WARS2: variants seen among roughly 807,000 people sequenced by gnomAD.
The protein encoded by WARS2 is tryptophanyl tRNA synthetase 2, mitochondrial, also known as tryptophan--tRNA ligase, mitochondrial.
In WARS2, 28 loss-of-function variants were observed where a neutral mutation model predicts 36.5. The ratio of observed to expected loss-of-function variants is 0.77; its 90% confidence interval spans 0.57 to 1.05. The LOEUF is 1.05. Among genes scored for constraint, WARS2 ranks in the 50% least tolerant of loss-of-function variants. The probability of loss-of-function intolerance (pLI) is 0.00; values close to 1 mark genes in which losing one functional copy is unlikely to be tolerated. For missense variants in WARS2, 435 were observed against 456.8 expected, an observed-to-expected ratio of 0.95 and a Z score of 0.44; for synonymous variants, 174 against 178.4, an observed-to-expected ratio of 0.98 and a Z score of 0.20.
chr1:119,085,214 G>A, intron 1 of WARS2: 1 of 835,704 alleles, frequency 1.2e-6, no homozygotes, highest in South Asian at 1.3e-5. Context: ...TTGAGGACCT[G>A]TGCTCGTGCT....
rs1652562633 is a variant in WARS2 at position 119,085,381 on chromosome 1, C to T, written c.91-8774G>A. ...TTCTTAGGGCCAGGGTTGTCCTCTTCCTTTACTGTCTTGCTTCTGGGTGAC... is the reference window on the plus strand; with the variant it reads ...TTCTTAGGGCCAGGGTTGTCCTCTTTCTTTACTGTCTTGCTTCTGGGTGAC... On this transcript the variant is annotated intron_variant, in intron 1 of 5. Transcript: ENST00000235521. 5 of 1,395,558 alleles carry T rather than the reference C, an allele frequency of 3.6e-6. No homozygotes were observed. In the Admixed American group the frequency reaches 6.9e-5, roughly 19 times the overall value. 86.4% of individuals were successfully genotyped at this position (1,395,558 alleles called of 1,614,324 possible). A position where few individuals can be genotyped will look rare whatever the true frequency, so the allele number is the denominator to read the frequency against.
At position 119,091,889 on chromosome 1, in the gene WARS2, T is replaced by C. The variant is rs184788159; in HGVS notation, c.91-15282A>G. Among the ~76,000 whole-genome samples, 526 of 152,288 alleles carry C rather than the reference T, an allele frequency of 3.5e-3. 4 individuals carry two copies. Among genetic ancestry groups the C allele is most frequent in the South Asian group, 0.03 (147 of 4,820 alleles). ...GAGGACAGTAAAATACACAGCACAGTGTCTGCCTGGCTGCAACACTGATTA... is the reference window on the plus strand; with the variant it reads ...GAGGACAGTAAAATACACAGCACAGCGTCTGCCTGGCTGCAACACTGATTA... On this transcript the variant is annotated intron_variant, in intron 1 of 5. Coordinates refer to ENST00000235521, the MANE Select transcript of WARS2 (RefSeq NM_015836.4).
chr1:119,118,819 T>C (rs1655152322), intron 1 of WARS2, among the ~76,000 whole-genome samples: 1 of 152,146 alleles, frequency 6.6e-6, no homozygotes, highest in Admixed American at 6.5e-5. Flanking sequence ...GAATTTTACA[T>C]CCAGCAAAAC....
chr1:119,107,483 C>G (rs920765548), intron 1 of WARS2, among the ~76,000 whole-genome samples: 1 of 152,032 alleles, frequency 6.6e-6, no homozygotes, highest in Non-Finnish European at 1.5e-5. Context: ...AGATTCGTGT[C>G]TTTCAAGCTG....
At chr1:119,058,284 G>T (rs1650012427) in intron 2 of WARS2, among the ~76,000 whole-genome samples, 1 of 148,526 alleles carries the variant, frequency 6.7e-6, no homozygotes, top group African/African-American at 2.5e-5. Flanking sequence ...ATATATGTGG[G>T]TCTACTTCTT....
chr1:119,139,605 T>C (rs4520456), intron 1 of WARS2: 20 of 152,016 alleles, frequency 1.3e-4, no homozygotes, highest in African/African-American at 4.8e-4. Flanking sequence ...GCTACCTTCC[T>C]GTCTAGCGCT....
At chr1:119,117,962 C>G (rs1655084195) in intron 1 of WARS2, among the ~76,000 whole-genome samples, 1 of 152,130 alleles carries the variant, frequency 6.6e-6, no homozygotes, top group African/African-American at 2.4e-5. Context: ...TCCACTGAAA[C>G]AGTCTACCCA....
rs374584673 is a variant in WARS2, at chr1:119,082,210, T to C, written c.91-5603A>G. On this transcript the variant is annotated intron_variant, in intron 1 of 5. Transcript: ENST00000235521. Reference sequence around the variant, plus strand: ...ATAAATGATAAGCACTTAATATGTATTGTTAGTTCAGTAAAAGAGTTTAAA... The same window carrying C: ...ATAAATGATAAGCACTTAATATGTACTGTTAGTTCAGTAAAAGAGTTTAAA... 72 of 947,654 alleles carry C rather than the reference T, an allele frequency of 7.6e-5. 1 individual carries two copies. In the East Asian group the frequency reaches 4.1e-3, roughly 53 times the overall value. The allele number at this position is 947,654 out of a possible 1,614,324, so 58.7% of individuals were successfully genotyped here.
chr1:119,127,117 AT>A, intron 1 of WARS2: 2 of 734,372 alleles, frequency 2.7e-6, no homozygotes, highest in Non-Finnish European at 5.0e-6. Context: ...AAGCCATCAG[AT>A]GCAATTTTGA....
intron 2 of WARS2, among the ~76,000 whole-genome samples, chr1:119,049,491 G>A (rs1649153847): frequency 6.6e-6 from 1 of 152,158 alleles, no homozygotes; most frequent in African/African-American, 2.4e-5. Flanking sequence ...AGTAAAATAT[G>A]TATAGTTGAT....
rs190042289 is a variant in WARS2 at position 119,065,073 on chromosome 1, A to C, written c.348+11277T>G. The stretch of plus-strand genomic sequence containing the variant: ...GACATTAGAAATCAATTTTTTAAAA[A>C]AGTTAAGTTAAAAAAAGAGCCCTGT... On this transcript the variant is annotated intron_variant, in intron 2 of 5. Coordinates refer to ENST00000235521, the MANE Select transcript of WARS2 (RefSeq NM_015836.4). Among the ~76,000 whole-genome samples the C allele has an allele frequency of 5.9e-5, 9 of 152,282 alleles. No individual in the cohort carries two copies. The East Asian group carries it at 1.5e-3, about 26-fold the overall frequency.
At chr1:119,069,465 A>T (rs974708197) in intron 2 of WARS2, among the ~76,000 whole-genome samples, 2 of 152,222 alleles carry the variant, frequency 1.3e-5, no homozygotes, top group African/African-American at 4.8e-5. Flanking sequence ...AAATGTAGAT[A>T]AATAATCTCT....
chr1:119,055,147 G>A (rs1020173868), intron 2 of WARS2, among the ~76,000 whole-genome samples: 1 of 152,100 alleles, frequency 6.6e-6, no homozygotes, highest in Non-Finnish European at 1.5e-5. Flanking sequence ...TGTGAGTTTT[G>A]TTTCAATAAA....
intron 1 of WARS2, among the ~76,000 whole-genome samples, chr1:119,108,132 A>C (rs1654373532): frequency 6.6e-6 from 1 of 151,840 alleles, no homozygotes; most frequent in African/African-American, 2.4e-5. Flanking sequence ...ACTGATCTAT[A>C]ATTTTCTCTT....
chr1:119,098,232 G>A (rs2101441848), intron 1 of WARS2, among the ~76,000 whole-genome samples: 1 of 152,098 alleles, frequency 6.6e-6, no homozygotes, highest in Non-Finnish European at 1.5e-5. Context: ...CAGGGCAGCA[G>A]AGCGAGACAC....
intron 1 of WARS2, among the ~76,000 whole-genome samples, chr1:119,109,765 T>G (rs1172686576): frequency 1.3e-5 from 2 of 151,988 alleles, no homozygotes; most frequent in African/African-American, 2.4e-5. Context: ...TGTGGCCTTT[T>G]GTTCTTATTT....
At chr1:119,134,682 G>C (rs1225184389) in intron 1 of WARS2, among the ~76,000 whole-genome samples, 1 of 152,214 alleles carries the variant, frequency 6.6e-6, no homozygotes, top group Non-Finnish European at 1.5e-5. Context: ...ATTAAGTCAA[G>C]CTGGAGTCAG....
chr1:119,107,326 A>G (rs1268305398), intron 1 of WARS2, among the ~76,000 whole-genome samples: 1 of 152,132 alleles, frequency 6.6e-6, no homozygotes. Flanking sequence ...GCAGCTTAGC[A>G]ATTATTTCAT....
At chr1:119,042,458 C>T in intron 3 of WARS2, 109 bp from the exon 4 acceptor site, 2 of 929,682 alleles carry the variant, frequency 2.2e-6, no homozygotes, top group South Asian at 2.9e-5. Flanking sequence ...GATCTGAAGC[C>T]ACCTGTAATA....
Sources: gnomAD v4.1 joint callset for allele counts (sites outside exome capture counted in the v4.1 genomes callset) on GRCh38, gnomAD v4.1.1 for gene constraint, MANE v1.5 for transcripts, NCBI Gene and HGNC (gene_info 2026-07-23, HGNC 2026-07-21) for gene names.